ZNF385D: variants seen among roughly 807,000 people sequenced by gnomAD.
The protein encoded by ZNF385D is zinc finger protein 385D.
In ZNF385D, 15 loss-of-function variants were observed where a neutral mutation model predicts 35.8. The observed-to-expected ratio is 0.42, with a 90% CI of 0.28 to 0.64. The LOEUF (loss-of-function observed/expected upper bound fraction) is 0.64, where lower values mean the gene tolerates loss of function less well. Ranked by LOEUF, ZNF385D falls within the 30% of genes least tolerant of loss-of-function variation. The probability of loss-of-function intolerance (pLI) is 0.23; values close to 1 mark genes in which losing one functional copy is unlikely to be tolerated. For missense variants in ZNF385D, 474 were observed against 494.6 expected, an observed-to-expected ratio of 0.96 and a Z score of 0.39; for synonymous variants, 212 against 186.8, an observed-to-expected ratio of 1.13 and a Z score of -1.10.
At chr3:21,987,043 A>G (rs1271835131) in intron 3 of ZNF385D, among the ~76,000 whole-genome samples, 3 of 106,706 alleles carry the variant, frequency 2.8e-5, no homozygotes, top group Admixed American at 1.9e-4. Flanking sequence ...CCATCCTTTT[A>G]TTTTGAGCCT....
At chr3:21,691,259 C>T (rs2125345035) in intron 1 of ZNF385D, among the ~76,000 whole-genome samples, 1 of 152,326 alleles carries the variant, frequency 6.6e-6, no homozygotes, top group Non-Finnish European at 1.5e-5. Flanking sequence ...CATAGCCACG[C>T]TCGCTGGCTC....
chr3:22,209,274 C>T (rs1039025367), intron 2 of ZNF385D, among the ~76,000 whole-genome samples: 1 of 151,842 alleles, frequency 6.6e-6, no homozygotes, highest in African/African-American at 2.4e-5. Context: ...ACAAATGTTC[C>T]TATTCATGTT....
At chr3:21,513,855 T>G (rs990235762) in intron 3 of ZNF385D, among the ~76,000 whole-genome samples, 8 of 152,196 alleles carry the variant, frequency 5.3e-5, no homozygotes, top group Non-Finnish European at 1.5e-5. Context: ...TAACTCTAGA[T>G]CTACCTTGAT....
At chr3:22,230,515 C>T (rs1474441175) in intron 2 of ZNF385D, among the ~76,000 whole-genome samples, 1 of 152,266 alleles carries the variant, frequency 6.6e-6, no homozygotes, top group South Asian at 2.1e-4. Flanking sequence ...TCATCAGACA[C>T]CCCTCCCTCT....
intron 2 of ZNF385D, among the ~76,000 whole-genome samples, chr3:21,585,713 C>T (rs2063790192): frequency 6.6e-6 from 1 of 152,134 alleles, no homozygotes; most frequent in Non-Finnish European, 1.5e-5. Context: ...CAGGAAAGGG[C>T]CATATACTGC....
chr3:22,265,113 C>A (rs995972873), intron 2 of ZNF385D, among the ~76,000 whole-genome samples: 1 of 151,934 alleles, frequency 6.6e-6, no homozygotes, highest in Non-Finnish European at 1.5e-5. Context: ...TGCCCCAGTA[C>A]TCAAGGAGTT....
intron 3 of ZNF385D, among the ~76,000 whole-genome samples, chr3:21,971,708 G>A (rs1703269089): frequency 6.6e-6 from 1 of 151,230 alleles, no homozygotes; most frequent in Non-Finnish European, 1.5e-5. Flanking sequence ...GTGACCTGAT[G>A]CCTACAAGAA....
At chr3:22,198,983 C>T (rs1301291711) in intron 2 of ZNF385D, among the ~76,000 whole-genome samples, 2 of 152,068 alleles carry the variant, frequency 1.3e-5, no homozygotes, top group East Asian at 1.9e-4. Flanking sequence ...AATATAAATT[C>T]CACATCTACT....
chr3:22,087,594 C>T (rs747501077), intron 3 of ZNF385D, among the ~76,000 whole-genome samples: 1 of 152,244 alleles, frequency 6.6e-6, no homozygotes, highest in Admixed American at 6.5e-5. Flanking sequence ...AACGATTCTT[C>T]AACAGGATAG....
chr3:21,810,976 G>GTA (rs1433120720), intron 3 of ZNF385D, among the ~76,000 whole-genome samples: 20 of 71,970 alleles, frequency 2.8e-4, no homozygotes, highest in Admixed American at 1.2e-3. Context: ...GTATACGTGT[G>GTA]TGTGTGTGTG....
intron 2 of ZNF385D, among the ~76,000 whole-genome samples, chr3:22,192,601 T>C (rs1696134562): frequency 6.6e-6 from 1 of 152,146 alleles, no homozygotes; most frequent in African/African-American, 2.4e-5. Flanking sequence ...ATGTTGAAAA[T>C]GGACCCTCCA....
At chr3:22,024,087 G>A (rs1369494451) in intron 3 of ZNF385D, among the ~76,000 whole-genome samples, 1 of 152,054 alleles carries the variant, frequency 6.6e-6, no homozygotes, top group African/African-American at 2.4e-5. Flanking sequence ...CTAATCAGCT[G>A]CCAGTGAATA....
rs149051345 is a variant in ZNF385D at position 21,923,408 on chromosome 3, T to G, written c.325+245409A>C. ...AAAGTGAATGTTTATACACTGTTGATAGAAATGTAAATTAGTTCAGCCACT... is the reference window on the plus strand; with the variant it reads ...AAAGTGAATGTTTATACACTGTTGAGAGAAATGTAAATTAGTTCAGCCACT... On this transcript the variant is annotated intron_variant, in intron 3 of 5. Coordinates refer to the ZNF385D transcript ENST00000494108. 3.6e-3 allele frequency among the ~76,000 whole-genome samples: 542 copies of G among 152,308 alleles called. 4 individuals carry two copies. Among genetic ancestry groups the G allele is most frequent in the African/African-American group, 0.013 (524 of 41,560 alleles).
intron 3 of ZNF385D, among the ~76,000 whole-genome samples, chr3:21,919,965 A>G (rs578041827): frequency 1.4e-4 from 22 of 152,334 alleles, no homozygotes; most frequent in Admixed American, 1.0e-3. Context: ...TCTAAATACC[A>G]TAAGAATAAC....
chr3:21,636,567 A>T (rs1014635708), intron 2 of ZNF385D, among the ~76,000 whole-genome samples: 14 of 151,230 alleles, frequency 9.3e-5, no homozygotes, highest in Non-Finnish European at 1.5e-4. Flanking sequence ...CACAGGAGAA[A>T]GATGTAGCCT....
chr3:21,932,166 C>CAAAAAAAAAAAAAAAAAAAAAAAAAAAAA (rs543138588), intron 3 of ZNF385D, among the ~76,000 whole-genome samples: 1 of 55,338 alleles, frequency 1.8e-5, no homozygotes, highest in African/African-American at 7.9e-5. Context: ...GACTCATTCT[C>CAAAAAAAAAAAAAAAAAAAAAAAAAAAAA]AAAAAAAAAA....
At chr3:21,941,402 G>A (rs509513) in intron 3 of ZNF385D, among the ~76,000 whole-genome samples, 39,493 of 151,244 alleles carry the variant, frequency 0.26, 5,833 homozygotes, top group Admixed American at 0.41. Flanking sequence ...CTACTTAGCT[G>A]AAATAAGTGA....
intron 3 of ZNF385D, among the ~76,000 whole-genome samples, chr3:21,981,188 T>G (rs557686092): frequency 1.3e-5 from 2 of 152,292 alleles, no homozygotes; most frequent in African/African-American, 4.8e-5. Context: ...CTACCAACAG[T>G]GTATAAATGT....
rs548788268 is a variant in ZNF385D at position 21,781,907 on chromosome 3, G to C, written c.326-116879C>G. Among the ~76,000 whole-genome samples the C allele has an allele frequency of 1.9e-4, 29 of 152,086 alleles. No individual in the cohort carries two copies. The South Asian group carries it at 5.4e-3, about 28-fold the overall frequency. On this transcript the variant is annotated intron_variant, in intron 3 of 5. Coordinates refer to the ZNF385D transcript ENST00000494108. The stretch of plus-strand genomic sequence containing the variant: ...TTAGTATTTAAGTGAAAGCTCAAAG[G>C]GCTAAATGGGGATGGAACAACTAGC...
Sources: gnomAD v4.1 joint callset for allele counts (sites outside exome capture counted in the v4.1 genomes callset) on GRCh38, gnomAD v4.1.1 for gene constraint, MANE v1.5 for transcripts, NCBI Gene and HGNC (gene_info 2026-07-23, HGNC 2026-07-21) for gene names.